Variants in SEMA3D observed in about 807,000 individuals in gnomAD.
SEMA3D encodes the protein semaphorin 3D, also known as semaphorin-3D.
SEMA3D carries 84 observed loss-of-function variants against 100.1 expected under a neutral mutation model. That is an observed-to-expected ratio of 0.84 (90% CI 0.70 to 1.01). SEMA3D has a LOEUF of 1.01. Among genes scored for constraint, SEMA3D ranks in the 50% least tolerant of loss-of-function variants. SEMA3D has a pLI of 0.00. For synonymous variants in SEMA3D, 312 were observed against 320.7 expected, an observed-to-expected ratio of 0.97 and a Z score of 0.29; for missense variants, 875 against 934.1, an observed-to-expected ratio of 0.94 and a Z score of 0.82.
At chr7:85,029,201 T>C (rs1266253406) in intron 12 of SEMA3D, 3 of 698,982 alleles carry the variant, frequency 4.3e-6, no homozygotes, top group Non-Finnish European at 8.1e-6. Context: ...CTGCACACCA[T>C]GGTGCTCATC....
the SEMA3D span, among the ~76,000 whole-genome samples, chr7:85,229,932 A>G: frequency 6.6e-6 from 1 of 152,170 alleles, no homozygotes; most frequent in Non-Finnish European, 1.5e-5. Flanking sequence ...TAAAAGAAAA[A>G]AACTCTTCTT....
At chr7:85,037,576 T>C (rs1328887041) in intron 11 of SEMA3D, among the ~76,000 whole-genome samples, 1 of 152,140 alleles carries the variant, frequency 6.6e-6, no homozygotes, top group Non-Finnish European at 1.5e-5. Flanking sequence ...AAACATTAGT[T>C]GCTAAATGAT....
Position 85,065,342 on chromosome 7 carries a change from A to G in SEMA3D, c.718+82T>C, listed in dbSNP as rs371519759. 3.6e-5 allele frequency: 45 copies of G among 1,257,724 alleles called. 1 individual carries two copies. In the East Asian group the frequency reaches 5.0e-4, roughly 14 times the overall value. 77.9% of individuals were successfully genotyped at this position (1,257,724 alleles called of 1,614,324 possible). Reference sequence around the variant, plus strand: ...AGCTAAATTAATTATTCCAAAACACATTTGAATGAATAATAATACACTTCT... The same window carrying G: ...AGCTAAATTAATTATTCCAAAACACGTTTGAATGAATAATAATACACTTCT... On this transcript the variant is annotated intron_variant, in intron 8 of 18. Transcript: ENST00000284136.
At position 85,022,472 on chromosome 7, in the gene SEMA3D, C is replaced by A. The variant is rs776330398; in HGVS notation, c.1333G>T (p.Val445Leu). The stretch of plus-strand genomic sequence containing the variant: ...ACTATCTGTGTCAGTCTGTAATCCA[C>A]ATTGATTCTCTTGAACGTTGGTCCT... ...AGGPTFKRIN[V>L]DYRLTQIVVD... The change falls in exon 13 of 19, where the codon GTG becomes TTG. Residue 445 changes from valine (V) to leucine (L), a missense_variant. By Grantham distance (32) the Val-to-Leu change is conservative. Transcript: ENST00000284136. 6.2e-7 allele frequency: 1 copy of A among 1,612,598 alleles called. No homozygotes were observed. Among genetic ancestry groups the A allele is most frequent in the South Asian group, 1.1e-5 (1 of 91,062 alleles).
the SEMA3D span, among the ~76,000 whole-genome samples, chr7:85,236,281 T>TTTTATTTTATTTTA: frequency 3.8e-5 from 5 of 132,008 alleles, no homozygotes; most frequent in African/African-American, 1.0e-4. Context: ...TTTTATTTTA[T>TTTTATTTTATTTTA]TTTATTTATT....
the SEMA3D span, among the ~76,000 whole-genome samples, chr7:85,231,946 G>C: frequency 3.9e-5 from 6 of 152,136 alleles, no homozygotes; most frequent in Non-Finnish European, 4.4e-5. Context: ...ATATCAAAAA[G>C]AATGTTAGAG....
the SEMA3D span, among the ~76,000 whole-genome samples, chr7:85,193,705 G>T: frequency 6.6e-6 from 1 of 151,950 alleles, no homozygotes; most frequent in East Asian, 1.9e-4. Flanking sequence ...ACAGTTCAGG[G>T]GCACAAGTTT....
intron 12 of SEMA3D, among the ~76,000 whole-genome samples, chr7:85,032,746 A>C (rs1327529921): frequency 2.0e-5 from 3 of 152,098 alleles, no homozygotes; most frequent in Non-Finnish European, 4.4e-5. Context: ...CAAAAAGAAA[A>C]TCCTCCTTCT....
chr7:85,001,231 A>G (rs936437932), intron 18 of SEMA3D, among the ~76,000 whole-genome samples: 10 of 152,184 alleles, frequency 6.6e-5, no homozygotes, highest in African/African-American at 2.4e-4. Context: ...ATGAGGCTGA[A>G]TGGTCTCCAG....
intron 5 of SEMA3D, among the ~76,000 whole-genome samples, chr7:85,080,717 C>T (rs1012874443): frequency 2.6e-5 from 4 of 152,062 alleles, no homozygotes; most frequent in African/African-American, 7.2e-5. Flanking sequence ...TCAGAGCACT[C>T]GGATGAGGAG....
At chr7:85,002,564 A>C (rs1231237271) in intron 18 of SEMA3D, among the ~76,000 whole-genome samples, 3 of 152,166 alleles carry the variant, frequency 2.0e-5, no homozygotes, top group Non-Finnish European at 2.9e-5. Flanking sequence ...ACTGTATCTC[A>C]ACAGTGAAAT....
rs1276837296 is a variant in SEMA3D at position 84,995,640 on chromosome 7, C to T, written c.*3800G>A. On this transcript the variant is annotated 3_prime_UTR_variant, in exon 19 of 19. Coordinates refer to ENST00000284136, the MANE Select transcript of SEMA3D (RefSeq NM_001384900.1). ...AACAATTTTTAATTATTTCATACTA[C>T]AAGACTACATTTCTTTTAAAATAGC... The T allele has an allele frequency of 6.6e-6, 1 of 151,964 alleles. No individual in the cohort carries two copies. The highest frequency in any genetic ancestry group is 1.5e-5 in the Non-Finnish European group (1 of 67,900). 9.4% of individuals were successfully genotyped at this position (151,964 alleles called of 1,614,324 possible). A position where few individuals can be genotyped will look rare whatever the true frequency, so the allele number is the denominator to read the frequency against.
intron 4 of SEMA3D, among the ~76,000 whole-genome samples, chr7:85,093,353 T>C (rs1186613526): frequency 3.9e-5 from 6 of 151,932 alleles, no homozygotes; most frequent in Admixed American, 2.6e-4. Flanking sequence ...TGCAAAGTTT[T>C]TTTGCTCCTA....
chr7:85,009,828 T>C (rs990993910), intron 17 of SEMA3D, among the ~76,000 whole-genome samples: 4 of 151,870 alleles, frequency 2.6e-5, no homozygotes, highest in Non-Finnish European at 5.9e-5. Flanking sequence ...ACAACTGTTA[T>C]TGTGTGCCTA....
At chr7:85,170,401 G>T (rs1791052328) in intron 1 of SEMA3D, among the ~76,000 whole-genome samples, 1 of 151,788 alleles carries the variant, frequency 6.6e-6, no homozygotes, top group African/African-American at 2.4e-5. Flanking sequence ...GATATTTCTT[G>T]TTCCATTGTG....
At chr7:85,201,546 T>C in the SEMA3D span, among the ~76,000 whole-genome samples, 4 of 152,302 alleles carry the variant, frequency 2.6e-5, no homozygotes, top group African/African-American at 7.2e-5. Context: ...TTAGAGATTT[T>C]AGTAATTTAT....
rs149271173 is a variant in SEMA3D, at chr7:85,052,007, G to A, written c.861+3710C>T. On this transcript the variant is annotated intron_variant, in intron 9 of 18. Coordinates refer to ENST00000284136, the MANE Select transcript of SEMA3D (RefSeq NM_001384900.1). ...GATAGTGCAGGTGTAGAATATTACC[G>A]TCATTATAAGAGTGCTCTATTGGTC... 3.3e-3 allele frequency among the ~76,000 whole-genome samples: 509 copies of A among 151,976 alleles called. 5 individuals carry two copies. Among genetic ancestry groups the A allele is most frequent in the South Asian group, 0.013 (64 of 4,820 alleles).
At chr7:85,042,400 G>A (rs1790889687) in intron 9 of SEMA3D, 115 bp from the exon 10 acceptor site, 1 of 724,604 alleles carries the variant, frequency 1.4e-6, no homozygotes, top group Non-Finnish European at 2.4e-6. Flanking sequence ...CAAAGACACT[G>A]AACCCAGATA....
At chr7:85,081,089 T>C (rs1372432901) in intron 5 of SEMA3D, among the ~76,000 whole-genome samples, 2 of 152,192 alleles carry the variant, frequency 1.3e-5, no homozygotes. Context: ...ATTTTAAGTT[T>C]AATTTGAACT....
Sources: gnomAD v4.1 joint callset for allele counts (sites outside exome capture counted in the v4.1 genomes callset) on GRCh38, gnomAD v4.1.1 for gene constraint, MANE v1.5 for transcripts, NCBI Gene and HGNC (gene_info 2026-07-23, HGNC 2026-07-21) for gene names.